PTPRT: variants seen among roughly 807,000 people sequenced by gnomAD.
PTPRT encodes the protein protein tyrosine phosphatase receptor type T.
Under a neutral mutation model 176.8 loss-of-function variants are expected in PTPRT, and 56 were observed. The observed-to-expected ratio is 0.32, with a 90% CI of 0.26 to 0.40. The LOEUF is 0.40. PTPRT is among the 10% of genes least tolerant of loss of function. PTPRT has a pLI of 1.00. For missense variants in PTPRT, 1,540 were observed against 1,908.2 expected (o/e 0.81, Z 3.60); for synonymous variants, 783 against 739.0 (o/e 1.06, Z -0.96).
chr20:42,273,545 A>G (rs1332442064), intron 13 of PTPRT, among the ~76,000 whole-genome samples: 1 of 152,196 alleles, frequency 6.6e-6, no homozygotes, highest in African/African-American at 2.4e-5. Context: ...TGGTTTATAG[A>G]TGGGGAAACA....
chr20:42,945,412 T>C (rs1980820596), intron 1 of PTPRT, among the ~76,000 whole-genome samples: 1 of 152,180 alleles, frequency 6.6e-6, no homozygotes, highest in Non-Finnish European at 1.5e-5. Flanking sequence ...CTGAGGAGGA[T>C]TTAACCATGT....
At chr20:42,119,320 A>T (rs1404221496) in intron 20 of PTPRT, among the ~76,000 whole-genome samples, 1 of 152,180 alleles carries the variant, frequency 6.6e-6, no homozygotes, top group Non-Finnish European at 1.5e-5. Context: ...GCGGTAACAC[A>T]CTTTATGTAA....
intron 6 of PTPRT, among the ~76,000 whole-genome samples, chr20:42,751,261 A>G (rs905306948): frequency 6.6e-6 from 1 of 152,120 alleles, no homozygotes; most frequent in Admixed American, 6.6e-5. Flanking sequence ...TGACCTCCCA[A>G]CTGTGGAGTG....
At chr20:42,290,806 T>C (rs1408786267) in intron 12 of PTPRT, among the ~76,000 whole-genome samples, 1 of 152,044 alleles carries the variant, frequency 6.6e-6, no homozygotes, top group African/African-American at 2.4e-5. Context: ...ACTGAAATTT[T>C]AGGATGCCTC....
intron 2 of PTPRT, among the ~76,000 whole-genome samples, chr20:42,825,342 G>C (rs866830922): frequency 6.6e-6 from 1 of 152,006 alleles, no homozygotes; most frequent in African/African-American, 2.4e-5. Flanking sequence ...CAACACCCAA[G>C]TGTAAGGACG....
chr20:42,776,328 A>G (rs991346200), intron 4 of PTPRT, among the ~76,000 whole-genome samples: 2 of 152,082 alleles, frequency 1.3e-5, no homozygotes, highest in Non-Finnish European at 2.9e-5. Flanking sequence ...AAATGTTCCT[A>G]TTTTTAGCAG....
chr20:42,067,159 A>G, the PTPRT span, among the ~76,000 whole-genome samples: 1 of 152,138 alleles, frequency 6.6e-6, no homozygotes, highest in Non-Finnish European at 1.5e-5. Context: ...GGGCCAGAAA[A>G]GGGAAGGGAT....
rs143943484 is a variant in PTPRT at position 42,925,924 on chromosome 20, G to A, written c.89-39992C>T. Among the ~76,000 whole-genome samples, 387 of 152,236 alleles carry A rather than the reference G, an allele frequency of 2.5e-3. 1 individual carries two copies. The highest frequency in any genetic ancestry group is 8.8e-3 in the African/African-American group (365 of 41,554). ...CTGCACAGTCCCTTTGCAGATTTCC[G>A]ACCCCAGACATTCCCAGCTCCATAT... On this transcript the variant is annotated intron_variant, in intron 1 of 30. Transcript: ENST00000373187.
intron 13 of PTPRT, chr20:42,270,580 T>C: frequency 4.2e-6 from 3 of 713,382 alleles, no homozygotes; most frequent in South Asian, 3.7e-5. Context: ...TCACACTAAA[T>C]AGCAAAAGAA....
intron 1 of PTPRT, among the ~76,000 whole-genome samples, chr20:43,019,871 T>C (rs1210818456): frequency 6.6e-6 from 1 of 151,932 alleles, no homozygotes; most frequent in African/African-American, 2.4e-5. Context: ...CTCTAGCCTT[T>C]GGACTCTAGG....
At chr20:42,983,191 C>T (rs1360924865) in intron 1 of PTPRT, among the ~76,000 whole-genome samples, 2 of 152,196 alleles carry the variant, frequency 1.3e-5, no homozygotes, top group Non-Finnish European at 2.9e-5. Context: ...AAAAGAGACC[C>T]TTAAACATCT....
intron 1 of PTPRT, among the ~76,000 whole-genome samples, chr20:42,915,836 C>T (rs564850639): frequency 6.6e-5 from 10 of 151,896 alleles, no homozygotes; most frequent in South Asian, 6.3e-4. Context: ...TGGGCTCAAG[C>T]GATCCTCCTG....
the PTPRT span, among the ~76,000 whole-genome samples, chr20:42,034,274 G>A: frequency 6.6e-6 from 1 of 152,162 alleles, no homozygotes; most frequent in African/African-American, 2.4e-5. Context: ...TGGACTGAGG[G>A]CCTCAGTTCC....
Position 42,896,465 on chromosome 20 carries a change from G to A in PTPRT, c.89-10533C>T, listed in dbSNP as rs143672188. Among the ~76,000 whole-genome samples the A allele has an allele frequency of 3.8e-3, 581 of 152,002 alleles. 2 individuals are homozygous for A. The highest frequency in any genetic ancestry group is 0.013 in the African/African-American group (547 of 41,478). ...AGCCTGGCCAACATGGTGAAATCCC[G>A]TCTTCACTAAAAATACAAAATTAGC... On this transcript the variant is annotated intron_variant, in intron 1 of 30. Coordinates refer to ENST00000373187, the MANE Select transcript of PTPRT (RefSeq NM_007050.6).
intron 1 of PTPRT, among the ~76,000 whole-genome samples, chr20:42,926,910 G>T (rs1255072252): frequency 6.6e-6 from 1 of 152,100 alleles, no homozygotes; most frequent in Non-Finnish European, 1.5e-5. Flanking sequence ...CCCAGATGGG[G>T]GTCACTTCAA....
At chr20:42,796,464 A>T (rs942121924) in intron 2 of PTPRT, among the ~76,000 whole-genome samples, 1 of 152,204 alleles carries the variant, frequency 6.6e-6, no homozygotes, top group Non-Finnish European at 1.5e-5. Flanking sequence ...TCATTTTATA[A>T]ACTCCAGTAG....
intron 12 of PTPRT, among the ~76,000 whole-genome samples, chr20:42,290,966 C>G (rs775123167): frequency 6.6e-6 from 1 of 152,148 alleles, no homozygotes; most frequent in African/African-American, 2.4e-5. Flanking sequence ...CTTTACTGCT[C>G]TATTAGACTC....
intron 1 of PTPRT, among the ~76,000 whole-genome samples, chr20:43,041,195 G>C (rs1986592248): frequency 6.6e-6 from 1 of 152,250 alleles, no homozygotes; most frequent in Admixed American, 6.5e-5. Context: ...CCTGCAGCTA[G>C]AATGTGCCAG....
chr20:42,485,656 G>T (rs2145350417), intron 7 of PTPRT, among the ~76,000 whole-genome samples: 1 of 152,042 alleles, frequency 6.6e-6, no homozygotes, highest in East Asian at 1.9e-4. Flanking sequence ...TTTCAAAGCT[G>T]AGGCTGCTCA....
Sources: gnomAD v4.1 joint callset for allele counts (sites outside exome capture counted in the v4.1 genomes callset) on GRCh38, gnomAD v4.1.1 for gene constraint, MANE v1.5 for transcripts, NCBI Gene and HGNC (gene_info 2026-07-23, HGNC 2026-07-21) for gene names.